Variants in PACRGL observed in about 807,000 individuals in gnomAD.
PACRGL encodes PACRG-like protein.
In PACRGL, 38 loss-of-function variants were observed where a neutral mutation model predicts 34.5. The observed-to-expected ratio is 1.10, with a 90% confidence interval of 0.85 to 1.44. The LOEUF (loss-of-function observed/expected upper bound fraction) is 1.44, where lower values mean the gene tolerates loss of function less well. Ranked by LOEUF, PACRGL falls within the 40% of genes most tolerant of loss-of-function variation. The pLI is 0.00. For missense variants in PACRGL, 305 were observed against 281.4 expected, an observed-to-expected ratio of 1.08 and a Z score of -0.60; for synonymous variants, 128 against 100.1, an observed-to-expected ratio of 1.28 and a Z score of -1.66.
At chr4:20,722,026 G>A (rs917303709) in intron 7 of PACRGL, among the ~76,000 whole-genome samples, 6 of 152,212 alleles carry the variant, frequency 3.9e-5, no homozygotes, top group East Asian at 1.9e-4. Context: ...CAGCAATGGC[G>A]GGCGCCCCTC....
At chr4:20,710,807 GT>G (rs35061321) in intron 5 of PACRGL, among the ~76,000 whole-genome samples, 30,844 of 152,066 alleles carry the variant, frequency 0.2, 3,449 homozygotes, top group East Asian at 0.42. Context: ...AAAACTATAA[GT>G]TTTTGTTTTT....
At chr4:20,743,933 C>G (rs563310157) in intron 8 of PACRGL, among the ~76,000 whole-genome samples, 10 of 151,612 alleles carry the variant, frequency 6.6e-5, no homozygotes, top group South Asian at 2.1e-4. Flanking sequence ...AAAAAAAAAC[C>G]CTTCAAAAAG....
chr4:20,732,138 G>A lies in PACRGL; in HGVS notation c.*4797G>A, dbSNP rs1226723603. 1.9e-6 allele frequency: 2 copies of A among 1,037,154 alleles called. No homozygotes were observed. Among genetic ancestry groups the A allele is most frequent in the Non-Finnish European group, 2.9e-6 (2 of 682,864 alleles). The allele number at this position is 1,037,154 out of a possible 1,614,324, so 64.2% of individuals were successfully genotyped here. A position where few individuals can be genotyped will look rare whatever the true frequency, so the allele number is the denominator to read the frequency against. On this transcript the variant is annotated 3_prime_UTR_variant, in exon 9 of 9. Transcript: ENST00000503585. ...ATACCCTCACACCTGGACCAAATGA[G>A]CTGAAGCTGATAAAAAGAAAACCTA...
intron 8 of PACRGL, among the ~76,000 whole-genome samples, chr4:20,748,652 C>G (rs59020971): frequency 0.17 from 23,272 of 140,502 alleles, 2,037 homozygotes; most frequent in Middle Eastern, 0.23. Flanking sequence ...AAACTGGAAT[C>G]ACAAAGCAAA....
chr4:20,731,910 C>G lies in PACRGL; in HGVS notation c.*4569C>G. The G allele has an allele frequency of 6.5e-7, 1 of 1,537,948 alleles. No individual in the cohort carries two copies. Among genetic ancestry groups the G allele is most frequent in the Non-Finnish European group, 8.8e-7 (1 of 1,141,334 alleles). On this transcript the variant is annotated 3_prime_UTR_variant, in exon 9 of 9. Transcript: ENST00000503585. ...GAAGTGGTAAACTTAGGCATATGAT[C>G]TCTATATTTCGCCCAGTTCATGGTA...
rs1366426519 is a variant in PACRGL, at chr4:20,731,343, G to A, written c.*4002G>A. 2.1e-6 allele frequency: 2 copies of A among 956,546 alleles called. No individual in the cohort carries two copies. The highest frequency in any genetic ancestry group is 2.5e-6 in the Non-Finnish European group (2 of 803,562). 59.3% of individuals were successfully genotyped at this position (956,546 alleles called of 1,614,324 possible). A position where few individuals can be genotyped will look rare whatever the true frequency, so the allele number is the denominator to read the frequency against. On this transcript the variant is annotated 3_prime_UTR_variant, in exon 9 of 9. Transcript: ENST00000503585. ...CCCGCCTCAGCCTCCCATAGTGCTG[G>A]GATTACAGTTGTGAGCTACTGTACC...
chr4:20,739,511 T>C (rs1313455513), intron 8 of PACRGL, among the ~76,000 whole-genome samples: 1 of 152,048 alleles, frequency 6.6e-6, no homozygotes, highest in African/African-American at 2.4e-5. Context: ...TCCTGACTGT[T>C]AGAAGGAAAA....
At position 20,730,026 on chromosome 4, in the gene PACRGL, TAAGGGTGGTAG is replaced by T; in HGVS notation, c.*2688_*2698del. ...ATGCTAAAAGTGGTAGCTCCAACTT[TAAGGGTGGTAG>T]AATAGTTCACATTTGTCTGTTGGAT... On this transcript the variant is annotated 3_prime_UTR_variant, in exon 9 of 9. Transcript: ENST00000503585. 6.4e-7 allele frequency: 1 copy of T among 1,556,002 alleles called. No homozygotes were observed. Among genetic ancestry groups the T allele is most frequent in the African/African-American group, 1.4e-5 (1 of 72,838 alleles).
At chr4:20,734,408 G>A (rs1485021025), downstream of PACRGL, among the ~76,000 whole-genome samples, 1 of 152,150 alleles carries the variant, frequency 6.6e-6, no homozygotes, top group Non-Finnish European at 1.5e-5. Context: ...ATGCCAGCAG[G>A]AAACAAGGGT....
rs541333717 is a variant in PACRGL, at chr4:20,700,492, C to A, written c.-312C>A. ...AACGCAGGCGCTCGGTGGCGGTAGCCGCGGTTGTTGGCCGACCGAGTGCCG... is the reference window on the plus strand; with the variant it reads ...AACGCAGGCGCTCGGTGGCGGTAGCAGCGGTTGTTGGCCGACCGAGTGCCG... On this transcript the variant is annotated 5_prime_UTR_variant, in exon 1 of 9. Transcript: ENST00000503585. 4 of 152,188 alleles carry A rather than the reference C, an allele frequency of 2.6e-5. No individual in the cohort carries two copies. The highest frequency in any genetic ancestry group is 1.3e-4 in the Admixed American group (2 of 15,278). 9.4% of individuals were successfully genotyped at this position (152,188 alleles called of 1,614,324 possible). A position where few individuals can be genotyped will look rare whatever the true frequency, so the allele number is the denominator to read the frequency against.
intron 5 of PACRGL, among the ~76,000 whole-genome samples, chr4:20,711,459 C>T (rs1415227266): frequency 6.6e-6 from 1 of 152,116 alleles, no homozygotes; most frequent in Non-Finnish European, 1.5e-5. Flanking sequence ...GAACAGGATA[C>T]AGGACACTGC....
chr4:20,707,783 A>T lies in PACRGL; in HGVS notation c.208-20A>T, dbSNP rs918860538. 19 of 1,606,718 alleles carry T rather than the reference A, an allele frequency of 1.2e-5. No homozygotes were observed. Among genetic ancestry groups the T allele is most frequent in the Non-Finnish European group, 1.6e-5 (19 of 1,173,600 alleles). ...CCTCAGAAGTATAGGTGATAGTAAT[A>T]TTTTCATTTTTTATTTTAGTTTGGT... On this transcript the variant is annotated intron_variant, in intron 3 of 8. Transcript: ENST00000503585.
rs2149105656 is a variant in PACRGL, at chr4:20,713,549, G to T, written c.609+10G>T. ...GCATCTGCTTACAAGCGTAAGTACT[G>T]CAAAGATTAGATAATGATTGACTGT... On this transcript the variant is annotated intron_variant, in intron 7 of 8. Coordinates refer to ENST00000503585, the MANE Select transcript of PACRGL (RefSeq NM_001258345.3). 6.3e-7 allele frequency: 1 copy of T among 1,576,434 alleles called. No individual in the cohort carries two copies. The highest frequency in any genetic ancestry group is 1.3e-5 in the African/African-American group (1 of 74,134).
intron 3 of PACRGL, 28 bp downstream of exon 3, chr4:20,704,842 T>A: frequency 1.2e-6 from 2 of 1,609,360 alleles, no homozygotes; most frequent in South Asian, 2.2e-5. Context: ...CCTAACTCAG[T>A]AGATTTTTTA....
rs191882579 is a variant in PACRGL, at chr4:20,708,347, A to T, written c.275+477A>T. ...ACTACAGATAATGTATCATTTTACAATTTATTTCTATAAAGCATTTATTTC... is the reference window on the plus strand; with the variant it reads ...ACTACAGATAATGTATCATTTTACATTTTATTTCTATAAAGCATTTATTTC... On this transcript the variant is annotated intron_variant, in intron 4 of 8. Coordinates refer to ENST00000503585, the MANE Select transcript of PACRGL (RefSeq NM_001258345.3). 3.9e-5 allele frequency among the ~76,000 whole-genome samples: 6 copies of T among 152,286 alleles called. No individual in the cohort carries two copies. The East Asian group carries it at 1.2e-3, about 29-fold the overall frequency.
At chr4:20,718,543 G>A (rs910884402) in intron 7 of PACRGL, among the ~76,000 whole-genome samples, 2 of 152,130 alleles carry the variant, frequency 1.3e-5, no homozygotes, top group Non-Finnish European at 2.9e-5. Flanking sequence ...AGCATGAAGG[G>A]TTGCTGATTT....
chr4:20,698,829 C>T (rs1731387121), upstream of PACRGL, among the ~76,000 whole-genome samples: 1 of 152,222 alleles, frequency 6.6e-6, no homozygotes, highest in African/African-American at 2.4e-5. Flanking sequence ...TCTTAATTTG[C>T]TTTCACCTGA....
At chr4:20,735,845 T>C (rs141199536), downstream of PACRGL, among the ~76,000 whole-genome samples, 145 of 152,274 alleles carry the variant, frequency 9.5e-4, 1 homozygote, top group East Asian at 0.027. Flanking sequence ...AGATTTCTTG[T>C]TGTTATGTAC....
intron 4 of PACRGL, among the ~76,000 whole-genome samples, chr4:20,708,615 C>T (rs1735636062): frequency 6.6e-6 from 1 of 151,982 alleles, no homozygotes; most frequent in African/African-American, 2.4e-5. Flanking sequence ...CCCCACCCCT[C>T]CAAAACTTAT....
Sources: allele counts gnomAD v4.1 joint callset (sites outside exome capture counted in the v4.1 genomes callset), GRCh38; gene constraint gnomAD v4.1.1; transcripts MANE v1.5; gene names NCBI Gene and HGNC (gene_info 2026-07-23, HGNC 2026-07-21).